NF2: variants seen among roughly 807,000 people sequenced by gnomAD.
NF2 encodes the protein NF2, moesin-ezrin-radixin like (MERLIN) tumor suppressor.
A neutral mutation model predicts 83.7 loss-of-function variants in NF2; 8 were observed. That is an observed-to-expected ratio of 0.10 (90% CI 0.06 to 0.17). NF2 has a LOEUF of 0.17. NF2 is among the 10% of genes least tolerant of loss of function. NF2 has a pLI of 1.00. For missense variants in NF2, 533 were observed against 744.4 expected, an observed-to-expected ratio of 0.72 and a Z score of 3.31; for synonymous variants, 266 against 269.6, an observed-to-expected ratio of 0.99 and a Z score of 0.13.
intron 15 of NF2, among the ~76,000 whole-genome samples, chr22:29,684,625 A>T (rs1010764524): frequency 2.0e-5 from 3 of 152,170 alleles, no homozygotes; most frequent in Non-Finnish European, 4.4e-5. Context: ...ACATACATGG[A>T]TGCATTTATT....
chr22:29,669,588 C>A (rs2066721954), intron 10 of NF2, among the ~76,000 whole-genome samples: 1 of 152,162 alleles, frequency 6.6e-6, no homozygotes. Flanking sequence ...CTTTCTTTGA[C>A]CTTTTTCTTA....
chr22:29,683,309 A>C (rs1601670625), intron 15 of NF2: 3 of 1,427,214 alleles, frequency 2.1e-6, no homozygotes. Flanking sequence ...GGGCTGTAGG[A>C]CCAGCCATTC....
At chr22:29,624,623 T>G (rs2065295326) in intron 1 of NF2, among the ~76,000 whole-genome samples, 1 of 152,184 alleles carries the variant, frequency 6.6e-6, no homozygotes, top group Admixed American at 6.5e-5. Flanking sequence ...GCTGGGAGTG[T>G]GGGAACAGGA....
chr22:29,616,191 T>C (rs1263117507), intron 1 of NF2, among the ~76,000 whole-genome samples: 2 of 152,152 alleles, frequency 1.3e-5, no homozygotes, highest in Non-Finnish European at 2.9e-5. Flanking sequence ...GTGTGATAGC[T>C]GAAATATACA....
chr22:29,666,018 T>G (rs1382132422), intron 9 of NF2, among the ~76,000 whole-genome samples: 1 of 152,226 alleles, frequency 6.6e-6, no homozygotes, highest in African/African-American at 2.4e-5. Flanking sequence ...TTTGTCATTT[T>G]CCTTTTCCTT....
chr22:29,668,799 C>T (rs554546341), intron 10 of NF2, among the ~76,000 whole-genome samples: 4 of 152,310 alleles, frequency 2.6e-5, no homozygotes, highest in East Asian at 1.9e-4. Flanking sequence ...CTTGTGCAGC[C>T]TTCTCCTTTT....
chr22:29,613,246 G>A (rs1249621775), intron 1 of NF2, among the ~76,000 whole-genome samples: 4 of 151,802 alleles, frequency 2.6e-5, no homozygotes, highest in Admixed American at 1.3e-4. Context: ...TCAAGACAAC[G>A]TCACCAGGCA....
intron 4 of NF2, among the ~76,000 whole-genome samples, chr22:29,653,443 CA>C (rs57099430): frequency 0.41 from 38,842 of 94,560 alleles, 4,299 homozygotes; most frequent in East Asian, 0.62. Flanking sequence ...GACTCTGTCT[CA>C]AAAAAAAAAA....
At chr22:29,678,085 C>A in intron 13 of NF2, 111 bp from the exon 14 acceptor site, 3 of 1,432,472 alleles carry the variant, frequency 2.1e-6, no homozygotes, top group East Asian at 2.3e-5. Context: ...GAGGTGGGAC[C>A]CGAGTTGTGC....
chr22:29,609,186 C>A, intron 1 of NF2: 1 of 742,278 alleles, frequency 1.3e-6, no homozygotes, highest in Non-Finnish European at 2.5e-6. Flanking sequence ...AAACCAGGAA[C>A]CTCAGTTCAG....
chr22:29,639,114 G>A lies in NF2; in HGVS notation c.265G>A (p.Glu89Lys), dbSNP rs1987714007. The A allele has an allele frequency of 1.9e-6, 3 of 1,614,146 alleles. No homozygotes were observed. The highest frequency in any genetic ancestry group is 2.2e-5 in the East Asian group (1 of 44,884). ...GGTACTGGATCATGATGTTTCAAAG[G>A]AAGAACCAGTCACCTTTCACTTCTT... The part of the protein sequence containing the change: ...KKVLDHDVSK[E>K]EPVTFHFLAK... The change falls in exon 3 of 16, where the codon GAA (glutamate) becomes AAA (lysine). Residue 89 changes from glutamate to lysine, a missense_variant. Around this residue, in one of 3 missense-constraint regions of NF2, gnomAD observed 326 missense variants for 475.1 expected, o/e 0.69. Coordinates refer to ENST00000338641, the MANE Select transcript of NF2 (RefSeq NM_000268.4).
intron 1 of NF2, among the ~76,000 whole-genome samples, chr22:29,626,732 C>T (rs1476033675): frequency 2.0e-5 from 3 of 152,084 alleles, no homozygotes; most frequent in African/African-American, 7.2e-5. Flanking sequence ...CAGGAGTAAC[C>T]AGTTGGTTGA....
chr22:29,672,295 A>G (rs2066818128), intron 11 of NF2, among the ~76,000 whole-genome samples: 1 of 146,184 alleles, frequency 6.8e-6, no homozygotes, highest in South Asian at 2.1e-4. Flanking sequence ...ATCTTCAGAC[A>G]TTGCCACATG....
chr22:29,662,973 T>C (rs909490273), intron 8 of NF2, among the ~76,000 whole-genome samples: 2 of 152,198 alleles, frequency 1.3e-5, no homozygotes, highest in Non-Finnish European at 2.9e-5. Flanking sequence ...TTTTCTCTTT[T>C]TCATGGCAAC....
At chr22:29,683,116 T>C in intron 15 of NF2, 1 of 1,614,174 alleles carries the variant, frequency 6.2e-7, no homozygotes, top group Non-Finnish European at 8.5e-7. Context: ...CCCTCTGTGA[T>C]ACTAACCCGT....
intron 1 of NF2, among the ~76,000 whole-genome samples, chr22:29,604,595 A>C (rs2064736665): frequency 1.3e-5 from 2 of 152,380 alleles, no homozygotes; most frequent in South Asian, 4.1e-4. Context: ...GATAACAGCT[A>C]TCAATTGTTC....
chr22:29,648,097 C>T (rs542169193), intron 4 of NF2, among the ~76,000 whole-genome samples: 11 of 151,448 alleles, frequency 7.3e-5, no homozygotes, highest in African/African-American at 2.4e-4. Flanking sequence ...CACCACTGCA[C>T]TCCAGCCTGG....
At chr22:29,623,431 G>T (rs1404925851) in intron 1 of NF2, among the ~76,000 whole-genome samples, 1 of 152,270 alleles carries the variant, frequency 6.6e-6, no homozygotes, top group East Asian at 1.9e-4. Flanking sequence ...AGAGAGGTTG[G>T]AAGTAGGAAA....
At chr22:29,654,437 CCCAT>C (rs201396060) in intron 4 of NF2, among the ~76,000 whole-genome samples, 1 of 152,214 alleles carries the variant, frequency 6.6e-6, no homozygotes, top group East Asian at 1.9e-4. Flanking sequence ...TAGCACATCA[CCCAT>C]CCATCTCTTA....
Sources: allele counts gnomAD v4.1 joint callset (sites outside exome capture counted in the v4.1 genomes callset), GRCh38; gene constraint gnomAD v4.1.1; regional missense constraint gnomAD v4.1.1; transcripts MANE v1.5; gene names NCBI Gene and HGNC (gene_info 2026-07-23, HGNC 2026-07-21).